ACACB: variants seen among roughly 807,000 people sequenced by gnomAD.
ACACB encodes the protein acetyl-CoA carboxylase beta.
A neutral mutation model predicts 278.8 loss-of-function variants in ACACB; 209 were observed. The observed-to-expected ratio is 0.75, with a 90% CI of 0.67 to 0.84. The LOEUF (loss-of-function observed/expected upper bound fraction) is 0.84. Among genes scored for constraint, ACACB ranks in the 40% least tolerant of loss-of-function variants. ACACB has a pLI of 0.00. For synonymous variants in ACACB, 1,174 were observed against 1,285.6 expected, an observed-to-expected ratio of 0.91 and a Z score of 1.86; for missense variants, 2,850 against 3,269.0, an observed-to-expected ratio of 0.87 and a Z score of 3.13.
intron 21 of ACACB, among the ~76,000 whole-genome samples, chr12:109,210,082 T>C (rs1431427174): frequency 1.6e-5 from 2 of 126,072 alleles, no homozygotes; most frequent in South Asian, 4.8e-4. Context: ...TGTATATATG[T>C]ATATATACAC....
chr12:109,213,648 G>A (rs1408269949), intron 22 of ACACB, among the ~76,000 whole-genome samples: 1 of 151,928 alleles, frequency 6.6e-6, no homozygotes, highest in Non-Finnish European at 1.5e-5. Flanking sequence ...AGGCTGGAGT[G>A]TAATGGTTCG....
Position 109,222,558 on chromosome 12 carries a change from C to T in ACACB, c.3616C>T (p.Leu1206Phe), listed in dbSNP as rs775770446. 6.2e-7 allele frequency: 1 copy of T among 1,614,086 alleles called. No homozygotes were observed. Among genetic ancestry groups the T allele is most frequent in the Non-Finnish European group, 8.5e-7 (1 of 1,180,050 alleles). ...CCTGTCGGACGAGCTGATCTCCATC[C>T]TCAACGAGCTCACTCAGCTGAGCAA... ...PSLSDELISILNELTQLSKSE... is the reference protein window; with the variant it reads ...PSLSDELISIFNELTQLSKSE... The change falls in exon 25 of 53, where the codon CTC becomes TTC. Residue 1206 changes from leucine to phenylalanine, a missense_variant. This residue lies in a region of ACACB where 2,265 missense variants were observed against 2,561.3 expected (regional missense o/e 0.88). Transcript: ENST00000338432.
intron 27 of ACACB, among the ~76,000 whole-genome samples, chr12:109,226,435 C>T (rs1482249680): frequency 6.6e-6 from 1 of 152,160 alleles, no homozygotes; most frequent in Non-Finnish European, 1.5e-5. Context: ...TACGGTGGCT[C>T]ATGCCTGTAA....
At chr12:109,117,047 CTTTT>C (rs71747045) in intron 1 of ACACB, among the ~76,000 whole-genome samples, 4 of 109,100 alleles carry the variant, frequency 3.7e-5, no homozygotes, top group Non-Finnish European at 3.6e-5. Flanking sequence ...AATGGTTGTT[CTTTT>C]TTTTTTTTTT....
intron 2 of ACACB, among the ~76,000 whole-genome samples, chr12:109,150,673 A>G (rs1255806924): frequency 6.6e-6 from 1 of 152,162 alleles, no homozygotes; most frequent in Non-Finnish European, 1.5e-5. Context: ...GGGACCTGGC[A>G]TCGCCCCCAC....
intron 4 of ACACB, among the ~76,000 whole-genome samples, chr12:109,171,597 G>A: frequency 6.6e-6 from 1 of 151,880 alleles, no homozygotes; most frequent in East Asian, 1.9e-4. Flanking sequence ...CCATCTGCCT[G>A]CCTCGGCCTC....
At chr12:109,183,830 G>A (rs952629683) in intron 11 of ACACB, among the ~76,000 whole-genome samples, 1 of 151,144 alleles carries the variant, frequency 6.6e-6, no homozygotes, top group Non-Finnish European at 1.5e-5. Flanking sequence ...TCCCATAATG[G>A]GGTCTCATTA....
At chr12:109,247,792 G>A in intron 40 of ACACB, 89 bp downstream of exon 40, 1 of 1,074,822 alleles carries the variant, frequency 9.3e-7, no homozygotes, top group Non-Finnish European at 1.4e-6. Context: ...ATATTTTCCA[G>A]TGGGGTGGTG....
chr12:109,199,383 G>T lies in ACACB; in HGVS notation c.2628-19G>T, dbSNP rs7299171. ...GTAGTCCTCATCAGTCTCCCTACCC[G>T]ACTCCTCCTCTCTCCCAGTTACCGA... On this transcript the variant is annotated intron_variant, in intron 17 of 52. Coordinates refer to ENST00000338432, the MANE Select transcript of ACACB (RefSeq NM_001093.4). 10 of 1,453,062 alleles carry T rather than the reference G, an allele frequency of 6.9e-6. No homozygotes were observed. The East Asian group carries it at 1.8e-4, about 27-fold the overall frequency. The allele number at this position is 1,453,062 out of a possible 1,614,324, so 90.0% of individuals were successfully genotyped here. A position where few individuals can be genotyped will look rare whatever the true frequency, so the allele number is the denominator to read the frequency against.
At chr12:109,252,302 A>G in intron 42 of ACACB, 146 bp downstream of exon 42, 1 of 555,968 alleles carries the variant, frequency 1.8e-6, no homozygotes, top group Non-Finnish European at 3.0e-6. Context: ...TCCAATTTGC[A>G]GCTATCTGGG....
At chr12:109,175,500 T>C (rs942950010) in intron 7 of ACACB, among the ~76,000 whole-genome samples, 1 of 152,126 alleles carries the variant, frequency 6.6e-6, no homozygotes, top group Non-Finnish European at 1.5e-5. Flanking sequence ...ACAGCAGTCT[T>C]GACCTCCTGA....
chr12:109,188,602 G>T (rs1593504664), intron 13 of ACACB, among the ~76,000 whole-genome samples: 2 of 151,720 alleles, frequency 1.3e-5, no homozygotes, highest in Admixed American at 1.3e-4. Flanking sequence ...CGGTCCCCTG[G>T]GGCTTCAGAT....
intron 21 of ACACB, 87 bp from the exon 22 acceptor site, chr12:109,212,749 G>A (rs1176492295): frequency 1.4e-5 from 16 of 1,104,650 alleles, no homozygotes; most frequent in Non-Finnish European, 2.2e-5. Flanking sequence ...GCTCGTTTGG[G>A]TACTGGTTTG....
intron 24 of ACACB, among the ~76,000 whole-genome samples, chr12:109,217,786 T>G (rs1373127842): frequency 2.0e-5 from 3 of 152,064 alleles, no homozygotes; most frequent in Admixed American, 1.3e-4. Context: ...GGTGACAGAA[T>G]GAGATCCTGT....
rs1593478913 is a variant in ACACB at position 109,179,212 on chromosome 12, G to A, written c.1562G>A (p.Cys521Tyr). 6.2e-7 allele frequency: 1 copy of A among 1,614,086 alleles called. No homozygotes were observed. ...GCTGTGTCTCTGTTTGGTCGCGACT[G>A]CTCCATCCAGCGGCGGCATCAGAAG... ...GNAVSLFGRDCSIQRRHQKIV... is the reference protein window; with the variant it reads ...GNAVSLFGRDYSIQRRHQKIV... The change falls in exon 10 of 53, where the codon TGC becomes TAC. Residue 521 changes from cysteine (C) to tyrosine (Y), a missense_variant. Cys to Tyr is a radical substitution (Grantham distance 194). Coordinates refer to ENST00000338432, the MANE Select transcript of ACACB (RefSeq NM_001093.4).
intron 11 of ACACB, among the ~76,000 whole-genome samples, chr12:109,184,338 C>T (rs1200057918): frequency 1.3e-5 from 2 of 152,128 alleles, no homozygotes; most frequent in Non-Finnish European, 2.9e-5. Flanking sequence ...CAGGTATGCA[C>T]CACTGTGCCC....
chr12:109,187,286 T>C (rs955988121), intron 12 of ACACB, among the ~76,000 whole-genome samples: 2 of 152,142 alleles, frequency 1.3e-5, no homozygotes, highest in South Asian at 2.1e-4. Context: ...GAATTGGAAA[T>C]CTAACCTGTC....
chr12:109,219,480 A>G (rs1240733915), intron 24 of ACACB, among the ~76,000 whole-genome samples: 1 of 152,194 alleles, frequency 6.6e-6, no homozygotes, highest in Non-Finnish European at 1.5e-5. Flanking sequence ...GGGCCCAGGC[A>G]TTAGTGCTTT....
intron 16 of ACACB, among the ~76,000 whole-genome samples, chr12:109,194,512 ATGTGTGTGTGTGTGTG>A (rs370227666): frequency 6.8e-5 from 6 of 88,744 alleles, no homozygotes; most frequent in African/African-American, 2.1e-4. Context: ...CTGTGTGTGC[ATGTGTGTGTGTGTGTG>A]TGTGTGTGTG....
Sources: allele counts gnomAD v4.1 joint callset (sites outside exome capture counted in the v4.1 genomes callset), GRCh38; gene constraint gnomAD v4.1.1; regional missense constraint gnomAD v4.1.1; transcripts MANE v1.5; gene names NCBI Gene and HGNC (gene_info 2026-07-23, HGNC 2026-07-21).